The following MTA3 variants were observed in gnomAD, a reference collection of about 807,000 sequenced individuals.
MTA3 encodes metastasis-associated protein MTA3.
MTA3 carries 34 observed loss-of-function variants against 83.5 expected under a neutral mutation model. The ratio of observed to expected loss-of-function variants is 0.41; its 90% CI spans 0.31 to 0.54. MTA3 has a LOEUF of 0.54. Ranked by LOEUF, MTA3 falls within the 20% of genes least tolerant of loss-of-function variation. The pLI is 0.33. For missense variants in MTA3, 761 were observed against 726.4 expected (o/e 1.05, Z -0.55); for synonymous variants, 303 against 252.7 (o/e 1.20, Z -1.89).
chr2:42,722,329 C>T (rs1667471584), intron 15 of MTA3, among the ~76,000 whole-genome samples: 1 of 152,202 alleles, frequency 6.6e-6, no homozygotes, highest in Non-Finnish European at 1.5e-5. Flanking sequence ...AGCATTTCAT[C>T]TACCTCTTGA....
At chr2:42,545,124 T>C (rs1228747377) in intron 2 of MTA3, among the ~76,000 whole-genome samples, 1 of 152,160 alleles carries the variant, frequency 6.6e-6, no homozygotes, top group East Asian at 1.9e-4. Flanking sequence ...ATGCTTGTAA[T>C]CTCAGCACTT....
At position 42,677,303 on chromosome 2, in the gene MTA3, G is replaced by A. The variant is rs868765165; in HGVS notation, c.703-5098G>A. Among the ~76,000 whole-genome samples, 9 of 152,000 alleles carry A rather than the reference G, an allele frequency of 5.9e-5. 1 individual carries two copies. The highest frequency in any genetic ancestry group is 3.9e-4 in the East Asian group (2 of 5,174). On this transcript the variant is annotated intron_variant, in intron 8 of 16. Coordinates refer to ENST00000405094, the MANE Select transcript of MTA3 (RefSeq NM_001330442.2). ...GGCAGGTCTTTCCTGTGCTGTTCTC[G>A]TGATAGTGAATAAGTCTCATGAGAT...
At chr2:42,514,906 G>T (rs1675071682) in intron 2 of MTA3, among the ~76,000 whole-genome samples, 1 of 150,366 alleles carries the variant, frequency 6.7e-6, no homozygotes. Flanking sequence ...GCCCAGGCTT[G>T]TATCAAACTC....
chr2:42,516,471 C>T (rs1332518923), intron 2 of MTA3, among the ~76,000 whole-genome samples: 1 of 152,150 alleles, frequency 6.6e-6, no homozygotes, highest in Middle Eastern at 3.2e-3. Context: ...CAGGTTACTC[C>T]TTTTCTCCTT....
chr2:42,615,773 T>A (rs1051538017), intron 4 of MTA3, among the ~76,000 whole-genome samples: 5 of 124,114 alleles, frequency 4.0e-5, no homozygotes, highest in Non-Finnish European at 7.9e-5. Context: ...CAGGCTGGAG[T>A]GTGGTGGCCT....
intron 8 of MTA3, among the ~76,000 whole-genome samples, chr2:42,670,125 G>A (rs1035602865): frequency 1.3e-5 from 2 of 152,182 alleles, no homozygotes; most frequent in East Asian, 3.9e-4. Context: ...TGGGCGTGGT[G>A]GCACATGCCT....
At chr2:42,568,840 T>C in intron 1 of MTA3, 67 bp downstream of exon 1, 2 of 1,205,616 alleles carry the variant, frequency 1.7e-6, no homozygotes, top group East Asian at 6.7e-5. Flanking sequence ...CCGGGGCGAG[T>C]GCACGCCAAC....
At chr2:42,523,433 A>T (rs978149611) in intron 2 of MTA3, among the ~76,000 whole-genome samples, 4 of 152,144 alleles carry the variant, frequency 2.6e-5, no homozygotes, top group African/African-American at 9.7e-5. Context: ...TGGAGCCTGA[A>T]TAAGGCAACG....
At chr2:42,655,795 A>C (rs749464465) in intron 6 of MTA3, among the ~76,000 whole-genome samples, 19 of 151,994 alleles carry the variant, frequency 1.3e-4, no homozygotes, top group Non-Finnish European at 2.1e-4. Context: ...TAGAGACAGG[A>C]TTTCTCCATA....
chr2:42,616,223 GC>G (rs1684868655), intron 4 of MTA3, among the ~76,000 whole-genome samples: 1 of 152,042 alleles, frequency 6.6e-6, no homozygotes, highest in Non-Finnish European at 1.5e-5. Context: ...ACCACGCCTG[GC>G]TAATATTTTT....
intron 3 of MTA3, among the ~76,000 whole-genome samples, chr2:42,582,189 C>A (rs532466673): frequency 6.6e-6 from 1 of 152,294 alleles, no homozygotes; most frequent in Non-Finnish European, 1.5e-5. Flanking sequence ...TCCCGAGAAG[C>A]TGGGACTACA....
chr2:42,509,646 C>T (rs1244260569), intron 2 of MTA3, among the ~76,000 whole-genome samples: 1 of 152,012 alleles, frequency 6.6e-6, no homozygotes. Flanking sequence ...TGGCATGAGC[C>T]TGTAATCCCG....
chr2:42,655,890 A>T (rs1471587883), intron 6 of MTA3, among the ~76,000 whole-genome samples: 7 of 152,176 alleles, frequency 4.6e-5, no homozygotes, highest in Non-Finnish European at 7.4e-5. Flanking sequence ...GGTGCAGGCC[A>T]CCGCACCCAG....
intron 2 of MTA3, among the ~76,000 whole-genome samples, chr2:42,557,487 G>C (rs1677453753): frequency 6.6e-6 from 1 of 152,200 alleles, no homozygotes; most frequent in Non-Finnish European, 1.5e-5. Context: ...GCCTCGAAAA[G>C]GTCAAACTGC....
intron 3 of MTA3, among the ~76,000 whole-genome samples, chr2:42,606,267 G>A (rs1256015494): frequency 1.3e-5 from 2 of 148,812 alleles, no homozygotes; most frequent in Admixed American, 6.6e-5. Context: ...CCCAGATGGG[G>A]TGGCTGCCGG....
chr2:42,578,641 G>T (rs1679301911), intron 2 of MTA3, among the ~76,000 whole-genome samples: 1 of 152,182 alleles, frequency 6.6e-6, no homozygotes, highest in Admixed American at 6.5e-5. Context: ...GGGAGGGCTT[G>T]GTGATTTTAC....
At chr2:42,672,527 C>G (rs1468769190) in intron 8 of MTA3, among the ~76,000 whole-genome samples, 1 of 148,410 alleles carries the variant, frequency 6.7e-6, no homozygotes, top group Non-Finnish European at 1.5e-5. Context: ...CGCCTGTAAT[C>G]CCAGCTACTT....
intron 3 of MTA3, among the ~76,000 whole-genome samples, chr2:42,584,714 A>T (rs1680060806): frequency 6.6e-6 from 1 of 151,968 alleles, no homozygotes; most frequent in South Asian, 2.1e-4. Flanking sequence ...ACAAAAAGAA[A>T]AGATTAGCTG....
intron 4 of MTA3, among the ~76,000 whole-genome samples, chr2:42,639,381 T>C (rs1438554475): frequency 6.6e-6 from 1 of 152,214 alleles, no homozygotes; most frequent in Non-Finnish European, 1.5e-5. Context: ...ACTTGAATAA[T>C]CTTCAAAATG....
Sources: gnomAD v4.1 joint callset for allele counts (sites outside exome capture counted in the v4.1 genomes callset) on GRCh38, gnomAD v4.1.1 for gene constraint, MANE v1.5 for transcripts, NCBI Gene and HGNC (gene_info 2026-07-23, HGNC 2026-07-21) for gene names.